Variants in FBN3 observed in about 807,000 individuals in gnomAD.
FBN3 encodes the protein fibrillin 3, also known as fibrillin-3.
In FBN3, 234 loss-of-function variants were observed where a neutral mutation model predicts 330.1. The observed-to-expected ratio is 0.71, with a 90% CI of 0.64 to 0.79. The LOEUF is 0.79. Ranked by LOEUF, FBN3 falls within the 30% of genes least tolerant of loss-of-function variation. The pLI, the probability that FBN3 is intolerant of heterozygous loss-of-function variation, is 0.00. For synonymous variants in FBN3, 1,458 were observed against 1,517.3 expected (o/e 0.96, Z 0.91); for missense variants, 3,606 against 3,886.9 (o/e 0.93, Z 1.92).
Position 8,065,490 on chromosome 19 carries a change from T to G in FBN3, c.*429A>C, listed in dbSNP as rs962961797. The G allele has an allele frequency of 1.1e-5, 2 of 177,598 alleles. No individual in the cohort carries two copies. Among genetic ancestry groups the G allele is most frequent in the Non-Finnish European group, 2.3e-5 (2 of 85,708 alleles). The allele number at this position is 177,598 out of a possible 1,614,324, so 11.0% of individuals were successfully genotyped here. On this transcript the variant is annotated 3_prime_UTR_variant, in exon 64 of 64. Transcript: ENST00000600128. ...GCAAATGTGGCAAGTCACTGTGGAG[T>G]CTGGGCCCCCTGTACACCCTTCTAC...
chr19:8,129,400 A>C lies in FBN3; in HGVS notation c.2045-35T>G, dbSNP rs766060090. 9.9e-6 allele frequency: 16 copies of C among 1,610,276 alleles called. No individual in the cohort carries two copies. The highest frequency in any genetic ancestry group is 3.3e-5 in the Admixed American group (2 of 59,784). ...GAGGAGGGTGTGTCAGCAGCAGCAG[A>C]AGGAGGGTGTGTCCGAGGCAGGAGG... is the stretch of plus-strand genomic sequence containing the variant. On this transcript the variant is annotated intron_variant, in intron 16 of 63. Transcript: ENST00000600128. The surrounding 1 kb of genome is among the most constrained non-coding windows in gnomAD (Gnocchi z 4.5).
chr19:8,126,866 G>T (rs904834547), intron 18 of FBN3, 34 bp from the exon 19 acceptor site: 2 of 1,516,696 alleles, frequency 1.3e-6, no homozygotes, highest in East Asian at 2.3e-5. Context: ...GTCCTGAGCT[G>T]CAGGAGGAGT....
At chr19:8,126,200 C>A in intron 21 of FBN3, 97 bp downstream of exon 21, 1 of 1,459,088 alleles carries the variant, frequency 6.9e-7, no homozygotes, top group Non-Finnish European at 9.4e-7. Context: ...GCAAAAGACT[C>A]CAGGGCGGGG....
chr19:8,100,317 A>C (rs2082300105), intron 41 of FBN3, among the ~76,000 whole-genome samples: 1 of 151,880 alleles, frequency 6.6e-6, no homozygotes. Context: ...TGAACTGCAC[A>C]CTAAAAATGG....
rs200856612 is a variant in FBN3 at position 8,129,217 on chromosome 19, C to T, written c.2170+23G>A. 3.0e-4 allele frequency: 481 copies of T among 1,612,790 alleles called. 1 individual carries two copies. In the African/African-American group the frequency reaches 5.5e-3, roughly 19 times the overall value. The stretch of plus-strand genomic sequence containing the variant: ...CAGTGGGAGAGGCTGCCCACACATC[C>T]GCCCGCCAGGTGGCATGCTCACCTG... On this transcript the variant is annotated intron_variant, in intron 17 of 63. Coordinates refer to ENST00000600128, the MANE Select transcript of FBN3 (RefSeq NM_032447.5). This position sits in a 1 kb window ranked among gnomAD's most constrained non-coding sequence, Gnocchi z 4.5.
intron 41 of FBN3, among the ~76,000 whole-genome samples, chr19:8,100,391 G>T (rs921587229): frequency 6.6e-6 from 1 of 152,086 alleles, no homozygotes; most frequent in African/African-American, 2.4e-5. Context: ...AGGCTGGAGT[G>T]CAATGGCGAG....
chr19:8,121,244 C>A lies in FBN3; in HGVS notation c.3211+14G>T, dbSNP rs956648071. 6.3e-7 allele frequency: 1 copy of A among 1,583,098 alleles called. No individual in the cohort carries two copies. Among genetic ancestry groups the A allele is most frequent in the African/African-American group, 1.3e-5 (1 of 74,354 alleles). On this transcript the variant is annotated intron_variant, in intron 25 of 63. Transcript: ENST00000600128. This position sits in a 1 kb window ranked among gnomAD's most constrained non-coding sequence, Gnocchi z 4.5. ...CCAGGGCGCCCACCACACCCCTGCC[C>A]GGCAGTCACCGACCCATGCAGTTCT...
chr19:8,086,799 G>A (rs949750281), intron 54 of FBN3, among the ~76,000 whole-genome samples: 4 of 149,146 alleles, frequency 2.7e-5, no homozygotes, highest in Non-Finnish European at 5.9e-5. Context: ...TTGGAGATGG[G>A]GTCTCACTCT....
At chr19:8,086,665 G>A (rs78928146) in intron 54 of FBN3, among the ~76,000 whole-genome samples, 5,361 of 146,068 alleles carry the variant, frequency 0.037, 142 homozygotes, top group East Asian at 0.13. Flanking sequence ...ACGGGGTTTC[G>A]CCGTGTTGTC....
rs760633821 is a variant in FBN3 at position 8,102,693 on chromosome 19, G to C, written c.5089+31C>G. The C allele has an allele frequency of 2.7e-5, 43 of 1,600,496 alleles. 1 individual carries two copies. In the South Asian group the frequency reaches 4.3e-4, roughly 16 times the overall value. On this transcript the variant is annotated intron_variant, in intron 40 of 63. Transcript: ENST00000600128. ...TAACCATTATGCTAGGAGGGGCCAG[G>C]CTGGGAAGAAGGTTGGGGAGGGTTA...
chr19:8,088,293 C>T, intron 51 of FBN3, 114 bp from the exon 52 acceptor site: 1 of 1,318,914 alleles, frequency 7.6e-7, no homozygotes, highest in Non-Finnish European at 1.0e-6. Flanking sequence ...ATCGAATGCA[C>T]CTCTAGTCTG....
chr19:8,110,710 G>A (rs1425811632), intron 34 of FBN3, 135 bp downstream of exon 34: 1 of 1,191,884 alleles, frequency 8.4e-7, no homozygotes, highest in Admixed American at 2.1e-5. Context: ...ATCAGGCAAG[G>A]CGCCCCCCAC....
chr19:8,083,132 T>C, intron 57 of FBN3, 115 bp downstream of exon 57: 1 of 1,306,058 alleles, frequency 7.7e-7, no homozygotes, highest in South Asian at 1.3e-5. Context: ...GGCACCACTT[T>C]GTAAATGAAA....
Position 8,147,390 on chromosome 19 carries a change from C to T in FBN3, c.91G>A (p.Gly31Ser). The change falls in exon 2 of 64, where the codon GGC (glycine) becomes AGC (serine). Residue 31 changes from glycine (G) to serine (S), a missense_variant. Gly to Ser is a moderately conservative substitution (Grantham distance 56). Transcript: ENST00000600128. ...GCCTCCAAGGCCCCGTCCCAGCGGCCTTGGCCACCTGCCATGCACAACAGG... is the reference window on the plus strand; with the variant it reads ...GCCTCCAAGGCCCCGTCCCAGCGGCTTTGGCCACCTGCCATGCACAACAGG... ...SALLCMAGGQ[G>S]RWDGALEAAG... 1 of 1,597,762 alleles carries T rather than the reference C, an allele frequency of 6.3e-7. No homozygotes were observed. The highest frequency in any genetic ancestry group is 8.5e-7 in the Non-Finnish European group (1 of 1,173,772).
In FBN3 at chr19:8,086,245, A is replaced by C; in HGVS notation, c.6835T>G (p.Cys2279Gly). 6.2e-7 allele frequency: 1 copy of C among 1,610,400 alleles called. No individual in the cohort carries two copies. The highest frequency in any genetic ancestry group is 1.1e-5 in the South Asian group (1 of 90,810). Residue 2279 changes from cysteine to glycine, a missense_variant, in exon 55 of 64, where the codon TGT becomes GGT. By Grantham distance (159) the Cys-to-Gly change is radical. Transcript: ENST00000600128. ...GGGCTGGGCTGGAATCCCTCATCAC[A>C]GTCGCACCGGAAGCTGCCCGCGGTG... ...VNTAGSFRCD[C>G]DEGFQPSPTL...
At chr19:8,132,907 C>A in intron 14 of FBN3, 77 bp downstream of exon 14, 1 of 1,458,234 alleles carries the variant, frequency 6.9e-7, no homozygotes, top group Non-Finnish European at 9.1e-7. Flanking sequence ...CGTCCGGTCC[C>A]TCTCCTCTTC....
At chr19:8,074,105 A>G (rs1446461133) in intron 61 of FBN3, among the ~76,000 whole-genome samples, 1 of 152,170 alleles carries the variant, frequency 6.6e-6, no homozygotes, top group African/African-American at 2.4e-5. Flanking sequence ...CAAGGCAGAA[A>G]TGGTTTTTCA....
At chr19:8,075,934 C>G (rs2081629146) in intron 59 of FBN3, among the ~76,000 whole-genome samples, 1 of 152,112 alleles carries the variant, frequency 6.6e-6, no homozygotes, top group South Asian at 2.1e-4. Flanking sequence ...CTCCAAAATC[C>G]TATGTTGAAG....
At chr19:8,091,840 T>C (rs1228875711) in intron 47 of FBN3, among the ~76,000 whole-genome samples, 1 of 152,168 alleles carries the variant, frequency 6.6e-6, no homozygotes, top group Non-Finnish European at 1.5e-5. Flanking sequence ...AGACTGAAAC[T>C]GCACATAGTA....
Sources: gnomAD v4.1 joint callset for allele counts (sites outside exome capture counted in the v4.1 genomes callset) on GRCh38, gnomAD v4.1.1 for gene constraint, Gnocchi (gnomAD v3.1) non-coding constraint, MANE v1.5 for transcripts, NCBI Gene and HGNC (gene_info 2026-07-23, HGNC 2026-07-21) for gene names.